The following PGR variants were observed in gnomAD, a reference collection of about 807,000 sequenced individuals.
PGR encodes nuclear receptor subfamily 3 group C member 3.
In PGR, 25 loss-of-function variants were observed where a neutral mutation model predicts 76.1. The observed-to-expected ratio is 0.33, with a 90% confidence interval of 0.24 to 0.46. The LOEUF (loss-of-function observed/expected upper bound fraction) is 0.46, where lower values mean the gene tolerates loss of function less well. Among genes scored for constraint, PGR ranks in the 20% least tolerant of loss-of-function variants. The pLI, the probability that PGR is intolerant of heterozygous loss-of-function variation, is 1.00. For missense variants in PGR, 1,172 were observed against 1,225.3 expected (o/e 0.96, Z 0.65); for synonymous variants, 579 against 535.0 (o/e 1.08, Z -1.14).
Position 101,038,288 on chromosome 11 carries a change from G to C in PGR, c.*828C>G, listed in dbSNP as rs747114318. The C allele has an allele frequency of 3.5e-4, 70 of 202,052 alleles. No homozygotes were observed. Among genetic ancestry groups the C allele is most frequent in the South Asian group, 5.7e-4 (3 of 5,288 alleles). 12.5% of individuals were successfully genotyped at this position (202,052 alleles called of 1,614,324 possible). A position where few individuals can be genotyped will look rare whatever the true frequency, so the allele number is the denominator to read the frequency against. ...TACTACTTTCAAAGGTGAGAGAATT[G>C]AGAATCAGTAAGAGTGACTAACTTT... On this transcript the variant is annotated 3_prime_UTR_variant, in exon 8 of 8. Transcript: ENST00000325455.
At chr11:101,082,389 G>A (rs150397718) in intron 3 of PGR, among the ~76,000 whole-genome samples, 1 of 152,350 alleles carries the variant, frequency 6.6e-6, no homozygotes, top group African/African-American at 2.4e-5. Flanking sequence ...ATGTGGGAGT[G>A]ACTTTGGAAC....
intron 4 of PGR, among the ~76,000 whole-genome samples, chr11:101,059,862 G>GA (rs762422702): frequency 1.5e-4 from 18 of 116,302 alleles, no homozygotes; most frequent in East Asian, 3.6e-4. Context: ...AAAAAAAAAA[G>GA]AAAAAAAAGA....
chr11:101,088,465 G>T (rs1056457688), intron 3 of PGR, among the ~76,000 whole-genome samples: 3 of 152,074 alleles, frequency 2.0e-5, no homozygotes, highest in Non-Finnish European at 4.4e-5. Flanking sequence ...CCAAGTAGGT[G>T]GGACTACAGG....
chr11:101,120,065 G>A lies in PGR; in HGVS notation c.1789+5942C>T, dbSNP rs1288824186. Among the ~76,000 whole-genome samples, 5 of 152,330 alleles carry A rather than the reference G, an allele frequency of 3.3e-5. No individual in the cohort carries two copies. The East Asian group carries it at 9.7e-4, about 29-fold the overall frequency. On this transcript the variant is annotated intron_variant, in intron 2 of 7. Transcript: ENST00000325455. ...TGACTATTAAATGAATAAGCCTCTT[G>A]CACAACATCAAGATATGTTAGCAGA...
chr11:101,103,731 C>T (rs993674989), intron 2 of PGR, among the ~76,000 whole-genome samples: 14 of 152,094 alleles, frequency 9.2e-5, no homozygotes, highest in Non-Finnish European at 1.9e-4. Context: ...TACTTAAATG[C>T]ATATAGGGTG....
chr11:101,085,516 T>C (rs1861463287), intron 3 of PGR, among the ~76,000 whole-genome samples: 2 of 70,990 alleles, frequency 2.8e-5, no homozygotes, highest in Non-Finnish European at 2.6e-5. Context: ...ACATCACACC[T>C]AGAGGAACTA....
chr11:101,117,365 G>A (rs1343105770), intron 2 of PGR, among the ~76,000 whole-genome samples: 1 of 151,736 alleles, frequency 6.6e-6, no homozygotes, highest in Non-Finnish European at 1.5e-5. Context: ...TTCTTGATTT[G>A]TAAGAATATT....
intron 2 of PGR, among the ~76,000 whole-genome samples, chr11:101,105,599 C>T (rs1862131055): frequency 6.8e-6 from 1 of 147,966 alleles, no homozygotes; most frequent in African/African-American, 2.5e-5. Context: ...AATGGAAAAA[C>T]ATTCCATGCT....
intron 4 of PGR, among the ~76,000 whole-genome samples, chr11:101,058,069 G>A (rs1860356416): frequency 6.6e-6 from 1 of 152,162 alleles, no homozygotes; most frequent in African/African-American, 2.4e-5. Flanking sequence ...GTCGGGAAAT[G>A]TACATAGGGA....
chr11:101,060,985 G>A (rs1254735902), intron 4 of PGR, among the ~76,000 whole-genome samples: 3 of 152,150 alleles, frequency 2.0e-5, no homozygotes, highest in Admixed American at 6.5e-5. Flanking sequence ...ATTTTCTAAC[G>A]TTACCAGCTG....
intron 3 of PGR, among the ~76,000 whole-genome samples, chr11:101,080,817 A>G (rs1332764394): frequency 1.3e-5 from 2 of 152,144 alleles, no homozygotes; most frequent in African/African-American, 2.4e-5. Flanking sequence ...AAACTCACTT[A>G]AAGCCTTCAA....
chr11:101,057,398 A>G (rs1399708042), intron 4 of PGR, among the ~76,000 whole-genome samples: 2 of 152,192 alleles, frequency 1.3e-5, no homozygotes, highest in African/African-American at 4.8e-5. Context: ...AGGAATGATG[A>G]GAGATTAACA....
intron 2 of PGR, among the ~76,000 whole-genome samples, chr11:101,095,630 G>C (rs1040123580): frequency 1.3e-5 from 2 of 152,168 alleles, no homozygotes; most frequent in African/African-American, 4.8e-5. Flanking sequence ...CTGTTTAAGT[G>C]TGAATGTCAA....
chr11:101,128,666 C>G lies in PGR; in HGVS notation c.405G>C (p.Glu135Asp). 6.3e-7 allele frequency: 1 copy of G among 1,596,328 alleles called. No individual in the cohort carries two copies. Among genetic ancestry groups the G allele is most frequent in the African/African-American group, 1.3e-5 (1 of 74,912 alleles). ...GQSQPSPPAC[E>D]VTSSWCLFGP... Reference sequence around the variant, plus strand: ...CAAACAGGCACCAAGAGCTGGTGACCTCGCAGGCGGGAGGGCTGGGTTGGC... The same window carrying G: ...CAAACAGGCACCAAGAGCTGGTGACGTCGCAGGCGGGAGGGCTGGGTTGGC... The change falls in exon 1 of 8, where the codon GAG (glutamate) becomes GAC (aspartate). Residue 135 changes from glutamate (E) to aspartate (D), a missense_variant. Transcript: ENST00000325455.
intron 7 of PGR, among the ~76,000 whole-genome samples, chr11:101,040,497 T>A (rs1859660984): frequency 6.6e-6 from 1 of 152,104 alleles, no homozygotes; most frequent in Admixed American, 6.6e-5. Flanking sequence ...CATGCTGCCA[T>A]TGTACTTGTT....
At position 101,061,581 on chromosome 11, in the gene PGR, T is replaced by C. The variant is rs545238578; in HGVS notation, c.2212+866A>G. ...GACTAAAAGGACATAATATGTTTAA[T>C]TCTTGATCAGATATTAGAAAAATAA... On this transcript the variant is annotated intron_variant, in intron 4 of 7. Coordinates refer to ENST00000325455, the MANE Select transcript of PGR (RefSeq NM_000926.4). Among the ~76,000 whole-genome samples, 44 of 152,318 alleles carry C rather than the reference T, an allele frequency of 2.9e-4. No individual in the cohort carries two copies. The South Asian group carries it at 8.1e-3, about 28-fold the overall frequency.
chr11:101,128,589 A>C lies in PGR; in HGVS notation c.482T>G (p.Leu161Trp). Residue 161 changes from leucine to tryptophan, a missense_variant, in exon 1 of 8, where the codon TTG (leucine) becomes TGG (tryptophan). Leu to Trp is a moderately conservative substitution (Grantham distance 61). Coordinates refer to ENST00000325455, the MANE Select transcript of PGR (RefSeq NM_000926.4). ...PPAAPATQRV[L>W]SPLMSRSGCK... ...CCCGGACCGGCTCATGAGCGGGGAC[A>C]ACACCCGCTGGGTGGCGGGGGCAGC... The C allele has an allele frequency of 6.3e-7, 1 of 1,594,778 alleles. No homozygotes were observed. Among genetic ancestry groups the C allele is most frequent in the Non-Finnish European group, 8.5e-7 (1 of 1,173,170 alleles).
intron 3 of PGR, among the ~76,000 whole-genome samples, chr11:101,086,799 G>GT (rs1565351534): frequency 3.3e-5 from 5 of 152,014 alleles, no homozygotes; most frequent in African/African-American, 1.2e-4. Context: ...AGCATTCAAG[G>GT]TGAGAGCCAA....
At chr11:101,106,169 A>G (rs183646218) in intron 2 of PGR, among the ~76,000 whole-genome samples, 1 of 152,358 alleles carries the variant, frequency 6.6e-6, no homozygotes, top group Non-Finnish European at 1.5e-5. Flanking sequence ...AGGTGTAGGC[A>G]GAGACTTCAT....
Sources: gnomAD v4.1 joint callset for allele counts (sites outside exome capture counted in the v4.1 genomes callset) on GRCh38, gnomAD v4.1.1 for gene constraint, MANE v1.5 for transcripts, NCBI Gene and HGNC (gene_info 2026-07-23, HGNC 2026-07-21) for gene names.